NCOA3: variants seen among roughly 807,000 people sequenced by gnomAD.
NCOA3 encodes the protein CBP-interacting protein.
A neutral mutation model predicts 158.8 loss-of-function variants in NCOA3; 51 were observed. The observed-to-expected ratio is 0.32, with a 90% CI of 0.26 to 0.41. The LOEUF (loss-of-function observed/expected upper bound fraction) is 0.41, where lower values mean the gene tolerates loss of function less well. Ranked by LOEUF, NCOA3 falls within the 10% of genes least tolerant of loss-of-function variation. The pLI is 1.00. For synonymous variants in NCOA3, 537 were observed against 592.4 expected, an observed-to-expected ratio of 0.91 and a Z score of 1.36; for missense variants, 1,510 against 1,746.6, an observed-to-expected ratio of 0.86 and a Z score of 2.41.
At chr20:47,598,274 G>C (rs1023244113) in intron 2 of NCOA3, among the ~76,000 whole-genome samples, 4 of 150,324 alleles carry the variant, frequency 2.7e-5, no homozygotes, top group Non-Finnish European at 5.9e-5. Context: ...AAAGAACCTG[G>C]CTTCTTTACT....
rs1044156398 is a variant in NCOA3 at position 47,656,371 on chromosome 20, A to G, written c.*2954A>G. The G allele has an allele frequency of 6.6e-6, 1 of 152,108 alleles. No homozygotes were observed. The highest frequency in any genetic ancestry group is 1.5e-5 in the Non-Finnish European group (1 of 68,022). 9.4% of individuals were successfully genotyped at this position (152,108 alleles called of 1,614,324 possible). On this transcript the variant is annotated 3_prime_UTR_variant, in exon 23 of 23. Coordinates refer to ENST00000371998, the MANE Select transcript of NCOA3 (RefSeq NM_181659.3). Reference sequence around the variant, plus strand: ...TCTGAGGTGAGTTGGGGGTATCTATATTAGGGGTAGGGTATTACAGAAGAT... The same window carrying G: ...TCTGAGGTGAGTTGGGGGTATCTATGTTAGGGGTAGGGTATTACAGAAGAT...
intron 1 of NCOA3, among the ~76,000 whole-genome samples, chr20:47,517,451 C>CTTTTTTTTT (rs376699406): frequency 1.3e-4 from 17 of 129,278 alleles, no homozygotes; most frequent in African/African-American, 4.7e-4. Flanking sequence ...TTTTCTTTTT[C>CTTTTTTTTT]TTTTTTTTTT....
At position 47,649,093 on chromosome 20, in the gene NCOA3, C is replaced by T. The variant is rs755890653; in HGVS notation, c.3635C>T (p.Pro1212Leu). ...GCGGTGATGAGGCCTATGATGCAGC[C>T]CCAGGTGAGCTCCCAGGTGAGGATG... ...GAAVMRPMMQPQVSSQQGFLN... is the reference protein window; with the variant it reads ...GAAVMRPMMQLQVSSQQGFLN... The change falls in exon 19 of 23, where the codon CCC becomes CTC. Residue 1212 changes from proline (P) to leucine (L), a missense_variant. Physicochemically the swap from Pro to Leu is moderately conservative, Grantham distance 98. Coordinates refer to ENST00000371998, the MANE Select transcript of NCOA3 (RefSeq NM_181659.3). The T allele has an allele frequency of 1.2e-6, 2 of 1,612,890 alleles. No individual in the cohort carries two copies. Among genetic ancestry groups the T allele is most frequent in the Non-Finnish European group, 1.7e-6 (2 of 1,179,184 alleles).
In NCOA3 at chr20:47,536,801, T is replaced by C. The variant is rs557744289; in HGVS notation, c.-99+34782T>C. The stretch of plus-strand genomic sequence containing the variant: ...GCCATTGTGCCCAGCCTCACTGTTT[T>C]TTTCTTTTTTTTTTTTTTTTTTGAG... On this transcript the variant is annotated intron_variant, in intron 1 of 22. Coordinates refer to ENST00000371998, the MANE Select transcript of NCOA3 (RefSeq NM_181659.3). 9.1e-4 allele frequency among the ~76,000 whole-genome samples: 136 copies of C among 149,412 alleles called. 1 individual carries two copies. Among genetic ancestry groups the C allele is most frequent in the Non-Finnish European group, 1.7e-3 (117 of 67,590 alleles).
intron 1 of NCOA3, among the ~76,000 whole-genome samples, chr20:47,530,562 A>C (rs2084528584): frequency 6.7e-6 from 1 of 149,860 alleles, no homozygotes; most frequent in Non-Finnish European, 1.5e-5. Context: ...TCCTGGGTTC[A>C]AGCATTTCTT....
intron 16 of NCOA3, 62 bp from the exon 17 acceptor site, chr20:47,642,151 T>G: frequency 4.7e-5 from 58 of 1,232,870 alleles, no homozygotes; most frequent in Non-Finnish European, 6.2e-5. Flanking sequence ...ATGGTTGCTG[T>G]GATCTATTAC....
Position 47,656,286 on chromosome 20 carries a change from C to T in NCOA3, c.*2869C>T, listed in dbSNP as rs989352103. 1 of 152,060 alleles carries T rather than the reference C, an allele frequency of 6.6e-6. No homozygotes were observed. The highest frequency in any genetic ancestry group is 1.5e-5 in the Non-Finnish European group (1 of 68,004). The allele number at this position is 152,060 out of a possible 1,614,324, so 9.4% of individuals were successfully genotyped here. On this transcript the variant is annotated 3_prime_UTR_variant, in exon 23 of 23. Transcript: ENST00000371998. ...ATTATGATGCCACTTTTCTAAACTGCATCTGGATTGAAAGGTGTAAATATC... is the reference window on the plus strand; with the variant it reads ...ATTATGATGCCACTTTTCTAAACTGTATCTGGATTGAAAGGTGTAAATATC...
intron 2 of NCOA3, among the ~76,000 whole-genome samples, chr20:47,597,136 T>C (rs1030087682): frequency 1.3e-4 from 20 of 152,296 alleles, no homozygotes; most frequent in African/African-American, 4.8e-4. Flanking sequence ...TATAAAACAT[T>C]TCTACCATTC....
intron 1 of NCOA3, among the ~76,000 whole-genome samples, chr20:47,558,820 CTTTTTTT>C (rs56997127): frequency 7.6e-4 from 87 of 114,500 alleles, no homozygotes; most frequent in East Asian, 2.3e-3. Context: ...ACTTTTTTCA[CTTTTTTT>C]TTTTTTTTTT....
intron 1 of NCOA3, among the ~76,000 whole-genome samples, chr20:47,558,648 C>G (rs1254264117): frequency 1.3e-5 from 2 of 152,114 alleles, no homozygotes; most frequent in East Asian, 3.9e-4. Flanking sequence ...TAATGTCAGT[C>G]TCTTTTTTTT....
intron 1 of NCOA3, among the ~76,000 whole-genome samples, chr20:47,546,910 G>T (rs1568671820): frequency 6.6e-6 from 1 of 152,034 alleles, no homozygotes; most frequent in African/African-American, 2.4e-5. Flanking sequence ...TCTTCATCCA[G>T]TGCAGGCACA....
chr20:47,530,547 C>T (rs2146105181), intron 1 of NCOA3, among the ~76,000 whole-genome samples: 1 of 150,724 alleles, frequency 6.6e-6, no homozygotes, highest in East Asian at 2.0e-4. Context: ...ATTGCAACCT[C>T]CGCCTCCTGG....
chr20:47,542,027 TTTTG>T (rs1281254064), intron 1 of NCOA3, among the ~76,000 whole-genome samples: 2 of 131,954 alleles, frequency 1.5e-5, no homozygotes, highest in African/African-American at 5.7e-5. Context: ...TTTTTTTTTT[TTTTG>T]TTGTTGTTGT....
intron 1 of NCOA3, among the ~76,000 whole-genome samples, chr20:47,580,506 A>T (rs899516931): frequency 6.6e-6 from 1 of 152,068 alleles, no homozygotes; most frequent in South Asian, 2.1e-4. Context: ...CAATGAGCCG[A>T]GATCATGCCC....
chr20:47,528,461 A>G (rs927602228), intron 1 of NCOA3, among the ~76,000 whole-genome samples: 28 of 152,320 alleles, frequency 1.8e-4, no homozygotes, highest in Admixed American at 1.5e-3. Context: ...GCCAAAATAA[A>G]AAAACACTTA....
chr20:47,643,439 T>C (rs1265381144), intron 17 of NCOA3, among the ~76,000 whole-genome samples: 1 of 152,252 alleles, frequency 6.6e-6, no homozygotes, highest in Non-Finnish European at 1.5e-5. Context: ...ACCTTGGCAC[T>C]GAGGAGCCAT....
rs376033045 is a variant in NCOA3, at chr20:47,532,998, C to T, written c.-99+30979C>T. Among the ~76,000 whole-genome samples the T allele has an allele frequency of 1.7e-4, 25 of 146,132 alleles. No homozygotes were observed. In the Middle Eastern group the frequency reaches 0.011, roughly 67 times the overall value. Reference sequence around the variant, plus strand: ...GCGGGCGCCTGTAATCCCAGCTACTCGGGAGGCTGAGGCAGAGAATTGCTT... The same window carrying T: ...GCGGGCGCCTGTAATCCCAGCTACTTGGGAGGCTGAGGCAGAGAATTGCTT... On this transcript the variant is annotated intron_variant, in intron 1 of 22. Transcript: ENST00000371998.
rs1602339349 is a variant in NCOA3 at position 47,522,312 on chromosome 20, C to T, written c.-99+20293C>T. 2.6e-5 allele frequency among the ~76,000 whole-genome samples: 4 copies of T among 151,692 alleles called. No individual in the cohort carries two copies. The East Asian group carries it at 7.8e-4, about 30-fold the overall frequency. ...AGAGACGGGGTTTCACCATGTTAGC[C>T]AGGATGGTCTCGATCTCCTGACCTC... On this transcript the variant is annotated intron_variant, in intron 1 of 22. Transcript: ENST00000371998.
chr20:47,536,193 T>C (rs149299501), intron 1 of NCOA3, among the ~76,000 whole-genome samples: 36 of 152,318 alleles, frequency 2.4e-4, no homozygotes, highest in Non-Finnish European at 3.1e-4. Flanking sequence ...GCACTCACCA[T>C]GTACCCTACT....
Sources: allele counts gnomAD v4.1 joint callset (sites outside exome capture counted in the v4.1 genomes callset), GRCh38; gene constraint gnomAD v4.1.1; transcripts MANE v1.5; gene names NCBI Gene and HGNC (gene_info 2026-07-23, HGNC 2026-07-21).